Variants in CNOT4 observed in about 807,000 individuals in gnomAD.
The protein encoded by CNOT4 is CCR4-associated factor 4.
In CNOT4, 8 loss-of-function variants were observed where a neutral mutation model predicts 73.8. The ratio of observed to expected loss-of-function variants is 0.11; its 90% CI spans 0.06 to 0.20. The LOEUF (loss-of-function observed/expected upper bound fraction) is 0.20. Ranked by LOEUF, CNOT4 falls within the 10% of genes least tolerant of loss-of-function variation. The pLI, the probability that CNOT4 is intolerant of heterozygous loss-of-function variation, is 1.00. For missense variants in CNOT4, 564 were observed against 883.4 expected, an observed-to-expected ratio of 0.64 and a Z score of 4.58; for synonymous variants, 293 against 321.1, an observed-to-expected ratio of 0.91 and a Z score of 0.94.
At chr7:135,425,594 C>A (rs1798447555) in intron 2 of CNOT4, among the ~76,000 whole-genome samples, 1 of 152,104 alleles carries the variant, frequency 6.6e-6, no homozygotes, top group East Asian at 1.9e-4. Context: ...AAGATACAAA[C>A]ACAGAAGAAC....
intron 1 of CNOT4, among the ~76,000 whole-genome samples, chr7:135,505,677 ATCT>A (rs997111092): frequency 1.3e-5 from 2 of 152,206 alleles, no homozygotes; most frequent in African/African-American, 4.8e-5. Flanking sequence ...AAAAGTAATC[ATCT>A]TCTTTTTAGT....
intron 10 of CNOT4, chr7:135,384,790 C>A: frequency 1.3e-6 from 1 of 752,508 alleles, no homozygotes. Context: ...CTAAGATCTA[C>A]CACCCATCTA....
At chr7:135,391,115 T>C (rs1796377774) in intron 10 of CNOT4, among the ~76,000 whole-genome samples, 2 of 152,142 alleles carry the variant, frequency 1.3e-5, no homozygotes, top group Non-Finnish European at 2.9e-5. Context: ...ATTAAATTGC[T>C]TCAAATTAGA....
At chr7:135,442,257 T>C (rs1799522662) in intron 1 of CNOT4, among the ~76,000 whole-genome samples, 1 of 152,194 alleles carries the variant, frequency 6.6e-6, no homozygotes, top group Non-Finnish European at 1.5e-5. Context: ...AAATTTTCAT[T>C]TAGAGAATAA....
intron 1 of CNOT4, among the ~76,000 whole-genome samples, chr7:135,490,111 A>G (rs1008022278): frequency 6.6e-6 from 1 of 152,234 alleles, no homozygotes; most frequent in African/African-American, 2.4e-5. Context: ...AGTACTCAAT[A>G]AAAATATCGT....
At chr7:135,448,435 T>G (rs778761108) in intron 1 of CNOT4, among the ~76,000 whole-genome samples, 1 of 150,352 alleles carries the variant, frequency 6.7e-6, no homozygotes, top group South Asian at 2.1e-4. Context: ...TCCCAGCTAC[T>G]AGGGAGGCTG....
chr7:135,388,410 AT>A, intron 10 of CNOT4: 1 of 983,800 alleles, frequency 1.0e-6, no homozygotes, highest in Non-Finnish European at 1.2e-6. Flanking sequence ...TTTTCAGGAG[AT>A]TAGGATATTA....
chr7:135,504,474 T>TA (rs1295255227), intron 1 of CNOT4, among the ~76,000 whole-genome samples: 16 of 68,130 alleles, frequency 2.3e-4, no homozygotes, highest in South Asian at 5.9e-4. Flanking sequence ...TTTTTTTTTT[T>TA]TTTTTTTTTT....
At position 135,416,244 on chromosome 7, in the gene CNOT4, A is replaced by T. The variant is rs554318234; in HGVS notation, c.373-982T>A. Among the ~76,000 whole-genome samples, 5 of 152,274 alleles carry T rather than the reference A, an allele frequency of 3.3e-5. No homozygotes were observed. The South Asian group carries it at 1.0e-3, about 32-fold the overall frequency. On this transcript the variant is annotated intron_variant, in intron 3 of 11. Transcript: ENST00000541284. ...TTGATAATATTCTTACAGACTTATA[A>T]TTTAGCTATTATGTTCTGCATTTGA...
At chr7:135,473,805 C>T (rs1801802268) in intron 1 of CNOT4, among the ~76,000 whole-genome samples, 1 of 152,102 alleles carries the variant, frequency 6.6e-6, no homozygotes. Context: ...GACATTTACA[C>T]ATGGTGACTG....
rs775506076 is a variant in CNOT4, at chr7:135,415,268, A to G, written c.373-6T>C. On this transcript the variant is annotated splice_polypyrimidine_tract_variant and splice_region_variant and intron_variant, in intron 3 of 11. Transcript: ENST00000541284. ...TATTCTGGTCGTTTTAAAACCTATAAAAGAAGAAGAAATAAGGTATAAACT... is the reference window on the plus strand; with the variant it reads ...TATTCTGGTCGTTTTAAAACCTATAGAAGAAGAAGAAATAAGGTATAAACT... 6.9e-7 allele frequency: 1 copy of G among 1,451,724 alleles called. No homozygotes were observed. Among genetic ancestry groups the G allele is most frequent in the Non-Finnish European group, 9.7e-7 (1 of 1,033,366 alleles). 89.9% of individuals were successfully genotyped at this position (1,451,724 alleles called of 1,614,324 possible).
intron 1 of CNOT4, among the ~76,000 whole-genome samples, chr7:135,459,889 C>T (rs1404546325): frequency 6.6e-6 from 1 of 152,234 alleles, no homozygotes; most frequent in African/African-American, 2.4e-5. Flanking sequence ...TAGCCATCTT[C>T]ATCCATGATC....
chr7:135,446,516 A>G (rs1006822083), intron 1 of CNOT4, among the ~76,000 whole-genome samples: 3 of 152,236 alleles, frequency 2.0e-5, no homozygotes, highest in African/African-American at 7.2e-5. Flanking sequence ...AAATTTTGAA[A>G]TGATTACTAT....
chr7:135,486,588 T>C (rs1200735915), intron 1 of CNOT4, among the ~76,000 whole-genome samples: 1 of 152,254 alleles, frequency 6.6e-6, no homozygotes, highest in Non-Finnish European at 1.5e-5. Context: ...TTATGTTATA[T>C]GAAAACATGT....
intron 8 of CNOT4, among the ~76,000 whole-genome samples, chr7:135,397,793 G>A (rs115895700): frequency 1.8e-3 from 281 of 152,202 alleles, no homozygotes; most frequent in African/African-American, 6.5e-3. Context: ...ACACTTGACT[G>A]AAATAGAAAA....
In CNOT4 at chr7:135,362,564, T is replaced by C. The variant is rs1794694413; in HGVS notation, c.*321A>G. 6.7e-6 allele frequency: 3 copies of C among 448,718 alleles called. No individual in the cohort carries two copies. Among genetic ancestry groups the C allele is most frequent in the South Asian group, 4.3e-5 (2 of 46,758 alleles). The allele number at this position is 448,718 out of a possible 1,614,324, so 27.8% of individuals were successfully genotyped here. A position where few individuals can be genotyped will look rare whatever the true frequency, so the allele number is the denominator to read the frequency against. On this transcript the variant is annotated 3_prime_UTR_variant, in exon 12 of 12. Coordinates refer to ENST00000541284, the MANE Select transcript of CNOT4 (RefSeq NM_001190850.2). Reference sequence around the variant, plus strand: ...ATTTTCTGCTAAGCAGATTATGTCATTATTATGCGCAACAGACAAACAATA... The same window carrying C: ...ATTTTCTGCTAAGCAGATTATGTCACTATTATGCGCAACAGACAAACAATA...
chr7:135,407,821 C>T (rs899957336), intron 7 of CNOT4, among the ~76,000 whole-genome samples: 2 of 152,150 alleles, frequency 1.3e-5, no homozygotes, highest in Admixed American at 6.5e-5. Flanking sequence ...CCACCAGGCC[C>T]GGCCTCAGTG....
chr7:135,495,728 AAGAAAGAAAGAAAG>A (rs1803507848), intron 1 of CNOT4, among the ~76,000 whole-genome samples: 1 of 130,762 alleles, frequency 7.6e-6, no homozygotes, highest in African/African-American at 2.8e-5. Context: ...GAAAGAAAGA[AAGAAAGAAAGAAAG>A]AAAGAAAGAA....
chr7:135,424,050 C>A (rs1008554370), intron 2 of CNOT4, among the ~76,000 whole-genome samples: 2 of 36,690 alleles, frequency 5.5e-5, no homozygotes, highest in Admixed American at 4.8e-4. Flanking sequence ...AACACACACA[C>A]ACACACACAC....
Sources: allele counts gnomAD v4.1 joint callset (sites outside exome capture counted in the v4.1 genomes callset), GRCh38; gene constraint gnomAD v4.1.1; transcripts MANE v1.5; gene names NCBI Gene and HGNC (gene_info 2026-07-23, HGNC 2026-07-21).